Variants in RUNX1 observed in about 807,000 individuals in gnomAD.
RUNX1 encodes the protein runt-related transcription factor 1.
A neutral mutation model predicts 42.8 loss-of-function variants in RUNX1; 19 were observed. That is an observed-to-expected ratio of 0.44 (90% CI 0.31 to 0.65). RUNX1 has a LOEUF of 0.65. Among genes scored for constraint, RUNX1 ranks in the 30% least tolerant of loss-of-function variants. RUNX1 has a pLI of 0.07. For missense variants in RUNX1, 528 were observed against 672.0 expected, an observed-to-expected ratio of 0.79 and a Z score of 2.37; for synonymous variants, 271 against 289.4, an observed-to-expected ratio of 0.94 and a Z score of 0.64.
intron 5 of RUNX1, among the ~76,000 whole-genome samples, chr21:34,863,550 C>CTTTTTTTTTTTTTT (rs34743281): frequency 9.2e-6 from 1 of 109,134 alleles, no homozygotes; most frequent in Non-Finnish European, 1.8e-5. Context: ...TCATGCCCAT[C>CTTTTTTTTTTTTTT]TTTTTTTTTT....
At chr21:34,816,582 C>G (rs1170015002) in intron 7 of RUNX1, among the ~76,000 whole-genome samples, 1 of 152,064 alleles carries the variant, frequency 6.6e-6, no homozygotes, top group Non-Finnish European at 1.5e-5. Flanking sequence ...ACCAACAGAT[C>G]AGTCAGGAGT....
At chr21:35,010,625 GCACACACACACACA>G (rs113068635) in intron 2 of RUNX1, among the ~76,000 whole-genome samples, 1 of 143,622 alleles carries the variant, frequency 7.0e-6, no homozygotes, top group Non-Finnish European at 1.5e-5. Context: ...ACACACACAC[GCACACACACACACA>G]CACACACACA....
intron 2 of RUNX1, among the ~76,000 whole-genome samples, chr21:34,992,047 G>A (rs180692742): frequency 2.9e-4 from 44 of 152,330 alleles, no homozygotes; most frequent in African/African-American, 6.5e-4. Context: ...GACTTCTGGC[G>A]TCCAAAGCTG....
At chr21:34,913,578 T>C (rs1201290321) in intron 2 of RUNX1, among the ~76,000 whole-genome samples, 3 of 152,204 alleles carry the variant, frequency 2.0e-5, no homozygotes, top group African/African-American at 7.2e-5. Flanking sequence ...AAACTCACAC[T>C]AATTTCAGTT....
intron 2 of RUNX1, among the ~76,000 whole-genome samples, chr21:34,897,702 C>T (rs985375541): frequency 1.3e-5 from 2 of 152,160 alleles, no homozygotes; most frequent in Non-Finnish European, 2.9e-5. Flanking sequence ...TTTACACCCT[C>T]ATTCCTCCTC....
chr21:34,848,790 G>A (rs767556959), intron 6 of RUNX1, among the ~76,000 whole-genome samples: 1 of 152,120 alleles, frequency 6.6e-6, no homozygotes, highest in Non-Finnish European at 1.5e-5. Flanking sequence ...TCCGAGAGGC[G>A]CGTGGGACGT....
chr21:34,873,900 C>T (rs549774885), intron 5 of RUNX1, among the ~76,000 whole-genome samples: 177 of 152,346 alleles, frequency 1.2e-3, no homozygotes, highest in African/African-American at 4.1e-3. Context: ...TAAATACAGA[C>T]GTTGAAGTGC....
chr21:34,831,229 C>T (rs1356458065), intron 7 of RUNX1, among the ~76,000 whole-genome samples: 2 of 151,916 alleles, frequency 1.3e-5, no homozygotes, highest in Non-Finnish European at 2.9e-5. Context: ...TATTCTATTT[C>T]ATGACAAAAT....
intron 2 of RUNX1, among the ~76,000 whole-genome samples, chr21:34,913,835 C>G (rs980510941): frequency 6.6e-6 from 1 of 152,150 alleles, no homozygotes; most frequent in African/African-American, 2.4e-5. Flanking sequence ...AAATTCCACC[C>G]AGAGTTTAGC....
chr21:34,947,962 TCCAAGC>T (rs2058576893), intron 2 of RUNX1, among the ~76,000 whole-genome samples: 1 of 152,116 alleles, frequency 6.6e-6, no homozygotes, highest in South Asian at 2.1e-4. Flanking sequence ...TTTGCTCTCG[TCCAAGC>T]CTTAGACCCC....
chr21:34,823,429 G>GTTTTT (rs1569027248), intron 7 of RUNX1, among the ~76,000 whole-genome samples: 2 of 99,120 alleles, frequency 2.0e-5, no homozygotes, highest in African/African-American at 1.1e-4. Flanking sequence ...ATTCCTGGTG[G>GTTTTT]GTTTTTTTTT....
At chr21:34,927,175 A>G (rs2058401998) in intron 2 of RUNX1, among the ~76,000 whole-genome samples, 1 of 152,208 alleles carries the variant, frequency 6.6e-6, no homozygotes, top group Non-Finnish European at 1.5e-5. Flanking sequence ...AAGTGAGGCC[A>G]TTAAAGAGCT....
intron 2 of RUNX1, among the ~76,000 whole-genome samples, chr21:35,025,901 C>T (rs1601686505): frequency 6.6e-6 from 1 of 152,072 alleles, no homozygotes. Flanking sequence ...GGTGCTTGCT[C>T]GTTATGAACA....
intron 2 of RUNX1, among the ~76,000 whole-genome samples, chr21:34,929,199 G>A (rs2058421466): frequency 6.6e-6 from 1 of 152,108 alleles, no homozygotes; most frequent in Non-Finnish European, 1.5e-5. Context: ...ACACGTTAGG[G>A]TTCTCAACAG....
intron 5 of RUNX1, among the ~76,000 whole-genome samples, chr21:34,880,173 G>A (rs1042144036): frequency 8.5e-5 from 13 of 152,168 alleles, no homozygotes; most frequent in African/African-American, 2.9e-4. Flanking sequence ...CAGATCATAC[G>A]TCAACAGTTT....
At chr21:35,006,809 C>T (rs1203892886) in intron 2 of RUNX1, among the ~76,000 whole-genome samples, 1 of 152,130 alleles carries the variant, frequency 6.6e-6, no homozygotes, top group African/African-American at 2.4e-5. Context: ...TCAAGGCCTG[C>T]CCAGAGCCTT....
intron 6 of RUNX1, among the ~76,000 whole-genome samples, chr21:34,850,814 A>G (rs765877352): frequency 6.6e-5 from 10 of 152,194 alleles, no homozygotes; most frequent in South Asian, 2.1e-4. Flanking sequence ...AAAAAAGTGT[A>G]CCATTATGGC....
At chr21:35,026,119 T>C (rs1016724160) in intron 2 of RUNX1, among the ~76,000 whole-genome samples, 1 of 152,214 alleles carries the variant, frequency 6.6e-6, no homozygotes, top group African/African-American at 2.4e-5. Flanking sequence ...ATGTCCTTTT[T>C]AGGAGTGCTT....
At chr21:34,911,496 T>C (rs1367433091) in intron 2 of RUNX1, among the ~76,000 whole-genome samples, 1 of 152,142 alleles carries the variant, frequency 6.6e-6, no homozygotes, top group Non-Finnish European at 1.5e-5. Flanking sequence ...TTGGAGTTTG[T>C]GGCTGGGAGA....
Sources: gnomAD v4.1 joint callset for allele counts (sites outside exome capture counted in the v4.1 genomes callset) on GRCh38, gnomAD v4.1.1 for gene constraint, MANE v1.5 for transcripts, NCBI Gene and HGNC (gene_info 2026-07-23, HGNC 2026-07-21) for gene names.